The following NRXN3 variants were observed in gnomAD, a reference collection of about 807,000 sequenced individuals.
NRXN3 encodes the protein neurexin 3, also known as neurexin III.
Under a neutral mutation model 137.6 loss-of-function variants are expected in NRXN3, and 32 were observed. The ratio of observed to expected loss-of-function variants is 0.23; its 90% CI spans 0.18 to 0.31. The LOEUF is 0.31. Among genes scored for constraint, NRXN3 ranks in the 10% least tolerant of loss-of-function variants. The pLI is 1.00. For synonymous variants in NRXN3, 798 were observed against 784.5 expected (o/e 1.02, Z -0.29); for missense variants, 1,574 against 2,062.5 (o/e 0.76, Z 4.59).
chr14:78,568,154 G>A (rs1280896298), intron 4 of NRXN3, among the ~76,000 whole-genome samples: 2 of 152,176 alleles, frequency 1.3e-5, no homozygotes, highest in Non-Finnish European at 2.9e-5. Context: ...AGTGCCGAAT[G>A]TCTGTGTCCC....
At chr14:79,390,697 A>G (rs61993111) in intron 15 of NRXN3, among the ~76,000 whole-genome samples, 47,317 of 152,034 alleles carry the variant, frequency 0.31, 7,701 homozygotes, top group Admixed American at 0.39. Context: ...GTGGTGTAAC[A>G]TGTACTAAAT....
chr14:79,854,523 G>A (rs183809026), intron 20 of NRXN3, among the ~76,000 whole-genome samples: 1 of 152,244 alleles, frequency 6.6e-6, no homozygotes, highest in Admixed American at 6.5e-5. Flanking sequence ...AATAATCAAT[G>A]TGAATTCTAC....
chr14:78,794,834 G>A (rs887853053), intron 8 of NRXN3, among the ~76,000 whole-genome samples: 14 of 151,902 alleles, frequency 9.2e-5, no homozygotes, highest in Admixed American at 5.2e-4. Flanking sequence ...CAGCACTTTG[G>A]GAGGCCAAGG....
rs140509850 is a variant in NRXN3 at position 78,984,984 on chromosome 14, A to G, written c.3143-3038A>G. Among the ~76,000 whole-genome samples the G allele has an allele frequency of 2.5e-3, 386 of 152,342 alleles. 1 individual carries two copies. Among genetic ancestry groups the G allele is most frequent in the African/African-American group, 8.9e-3 (368 of 41,574 alleles). On this transcript the variant is annotated intron_variant, in intron 14 of 20. Coordinates refer to ENST00000335750, the MANE Select transcript of NRXN3 (RefSeq NM_001330195.2). ...ACAATACTGTTGTTCTTGGATGCTT[A>G]CAATGTAGTCAGTCTTCCGGTACTA...
At chr14:78,644,907 C>G (rs143569521) in intron 4 of NRXN3, among the ~76,000 whole-genome samples, 14 of 152,318 alleles carry the variant, frequency 9.2e-5, no homozygotes, top group Non-Finnish European at 1.5e-4. Flanking sequence ...GTCTTCTACC[C>G]TCGTGTGGAC....
chr14:79,188,402 T>TC (rs1488874792), intron 15 of NRXN3, among the ~76,000 whole-genome samples: 2 of 152,064 alleles, frequency 1.3e-5, no homozygotes, highest in East Asian at 3.9e-4. Flanking sequence ...ACATATTTTT[T>TC]TTTTTAGAAT....
intron 4 of NRXN3, among the ~76,000 whole-genome samples, chr14:78,337,551 C>A (rs892295077): frequency 9.9e-5 from 15 of 152,146 alleles, no homozygotes; most frequent in African/African-American, 3.6e-4. Flanking sequence ...GCCTCCATCA[C>A]AGTGAGGGAA....
intron 15 of NRXN3, among the ~76,000 whole-genome samples, chr14:79,290,431 A>G (rs555983295): frequency 6.6e-5 from 10 of 152,182 alleles, no homozygotes; most frequent in Non-Finnish European, 1.5e-4. Context: ...AGGAGGAGAC[A>G]GGCAGAGTCT....
chr14:79,427,565 C>T (rs995176670), intron 15 of NRXN3, among the ~76,000 whole-genome samples: 2 of 152,128 alleles, frequency 1.3e-5, no homozygotes, highest in African/African-American at 4.8e-5. Flanking sequence ...GTAATCCCAG[C>T]ACTTTGGGAG....
chr14:79,213,015 T>A (rs1244788905), intron 15 of NRXN3, among the ~76,000 whole-genome samples: 1 of 152,168 alleles, frequency 6.6e-6, no homozygotes, highest in Admixed American at 6.6e-5. Context: ...TTAGTTTAGA[T>A]ACAATATATT....
At chr14:79,851,263 A>G (rs968671155) in intron 20 of NRXN3, among the ~76,000 whole-genome samples, 2 of 152,192 alleles carry the variant, frequency 1.3e-5, no homozygotes, top group African/African-American at 2.4e-5. Flanking sequence ...GAGACCGACC[A>G]TATATGCATT....
chr14:79,558,442 G>A (rs1445682804), intron 16 of NRXN3, among the ~76,000 whole-genome samples: 1 of 152,032 alleles, frequency 6.6e-6, no homozygotes, highest in East Asian at 1.9e-4. Context: ...TGGATGCTAT[G>A]TTATCAGATA....
intron 4 of NRXN3, among the ~76,000 whole-genome samples, chr14:78,570,503 A>G (rs973729522): frequency 2.0e-5 from 3 of 152,160 alleles, no homozygotes; most frequent in Admixed American, 2.0e-4. Context: ...CTCAGATGGG[A>G]AATACAGGAA....
chr14:79,740,809 T>A (rs537062973), intron 19 of NRXN3, among the ~76,000 whole-genome samples: 2 of 138,340 alleles, frequency 1.4e-5, no homozygotes, highest in African/African-American at 5.3e-5. Flanking sequence ...TATTTCCATG[T>A]CTACCTTCCA....
chr14:79,213,986 G>A (rs1483969158), intron 15 of NRXN3, among the ~76,000 whole-genome samples: 3 of 152,186 alleles, frequency 2.0e-5, no homozygotes, highest in Admixed American at 1.3e-4. Context: ...TTCATTTCAT[G>A]AAAAAATGCT....
chr14:78,185,051 G>A (rs1180785573), intron 1 of NRXN3, among the ~76,000 whole-genome samples: 4 of 152,240 alleles, frequency 2.6e-5, no homozygotes, highest in African/African-American at 9.6e-5. Context: ...GACCAAGCTG[G>A]TTGAGCTGGC....
At chr14:79,649,443 TTC>T (rs1432992848) in intron 16 of NRXN3, among the ~76,000 whole-genome samples, 1 of 152,182 alleles carries the variant, frequency 6.6e-6, no homozygotes, top group African/African-American at 2.4e-5. Flanking sequence ...ACTCTATAGT[TTC>T]TAAATTCCAT....
At chr14:79,207,974 T>G (rs537479285) in intron 15 of NRXN3, among the ~76,000 whole-genome samples, 9 of 152,318 alleles carry the variant, frequency 5.9e-5, no homozygotes, top group Non-Finnish European at 8.8e-5. Context: ...GTAACGTTAT[T>G]ATTCCAATAT....
chr14:78,511,926 A>G (rs955042837), intron 4 of NRXN3, among the ~76,000 whole-genome samples: 1 of 152,188 alleles, frequency 6.6e-6, no homozygotes, highest in Admixed American at 6.5e-5. Context: ...TCCAAGCTCT[A>G]CCACTTAAGA....
Sources: allele counts gnomAD v4.1 joint callset (sites outside exome capture counted in the v4.1 genomes callset), GRCh38; gene constraint gnomAD v4.1.1; transcripts MANE v1.5; gene names NCBI Gene and HGNC (gene_info 2026-07-23, HGNC 2026-07-21).